CNTNAP2: variants seen among roughly 807,000 people sequenced by gnomAD.
CNTNAP2 encodes contactin associated protein 2, also known as contactin-associated protein-like 2.
Under a neutral mutation model 155.2 loss-of-function variants are expected in CNTNAP2, and 98 were observed. The ratio of observed to expected loss-of-function variants is 0.63; its 90% CI spans 0.54 to 0.75. The LOEUF (loss-of-function observed/expected upper bound fraction) is 0.75, where lower values mean the gene tolerates loss of function less well. Among genes scored for constraint, CNTNAP2 ranks in the 30% least tolerant of loss-of-function variants. The pLI is 0.00. For synonymous variants in CNTNAP2, 651 were observed against 631.2 expected (o/e 1.03, Z -0.47); for missense variants, 1,727 against 1,688.1 (o/e 1.02, Z -0.40).
intron 4 of CNTNAP2, among the ~76,000 whole-genome samples, chr7:147,060,634 C>T (rs535133964): frequency 2.6e-5 from 4 of 151,944 alleles, no homozygotes; most frequent in East Asian, 3.9e-4. Flanking sequence ...GAGGCCGAGG[C>T]GGGCGGATCA....
At chr7:147,244,879 C>G (rs1013802148) in intron 8 of CNTNAP2, among the ~76,000 whole-genome samples, 5 of 152,064 alleles carry the variant, frequency 3.3e-5, no homozygotes, top group African/African-American at 1.2e-4. Context: ...TTCTTAGATT[C>G]TTAGTACTAC....
chr7:146,953,537 G>T (rs1345856205), intron 3 of CNTNAP2, among the ~76,000 whole-genome samples: 1 of 151,840 alleles, frequency 6.6e-6, no homozygotes, highest in Non-Finnish European at 1.5e-5. Context: ...TTCTATATAG[G>T]TTTGTAACGA....
At chr7:147,018,464 G>T (rs1047471977) in intron 3 of CNTNAP2, among the ~76,000 whole-genome samples, 1 of 152,018 alleles carries the variant, frequency 6.6e-6, no homozygotes, top group Non-Finnish European at 1.5e-5. Context: ...AATTACTAGG[G>T]TCTTAACTGG....
At chr7:148,132,556 A>G (rs1045715637) in intron 16 of CNTNAP2, among the ~76,000 whole-genome samples, 1 of 152,190 alleles carries the variant, frequency 6.6e-6, no homozygotes, top group African/African-American at 2.4e-5. Flanking sequence ...GCTGTAGTTG[A>G]GTGTTGATTC....
chr7:148,097,340 T>TAAAAAAAAAAAAAAAAAAAAAAAAAAA (rs754030091), intron 15 of CNTNAP2, among the ~76,000 whole-genome samples: 1 of 78,492 alleles, frequency 1.3e-5, no homozygotes. Context: ...GTGTCATTTG[T>TAAAAAAAAAAAAAAAAAAAAAAAAAAA]AAAAAAAAAA....
At chr7:146,446,058 C>T (rs1386855517) in intron 1 of CNTNAP2, among the ~76,000 whole-genome samples, 3 of 151,994 alleles carry the variant, frequency 2.0e-5, no homozygotes, top group Non-Finnish European at 4.4e-5. Flanking sequence ...AGAAAAGAAC[C>T]GTAGATCATT....
rs1301661474 is a variant in CNTNAP2, at chr7:147,375,892, C to T, written c.1499-19717C>T. On this transcript the variant is annotated intron_variant, in intron 9 of 23. Transcript: ENST00000361727. The stretch of plus-strand genomic sequence containing the variant: ...GCAGAACTATAATCAACTAATCAAG[C>T]CCCTTTGAGCCAGCAGTTCTTCCAG... Among the ~76,000 whole-genome samples, 4 of 152,118 alleles carry T rather than the reference C, an allele frequency of 2.6e-5. No homozygotes were observed. The East Asian group carries it at 7.8e-4, about 29-fold the overall frequency.
At chr7:148,035,719 G>A (rs1397069214) in intron 15 of CNTNAP2, among the ~76,000 whole-genome samples, 1 of 152,080 alleles carries the variant, frequency 6.6e-6, no homozygotes, top group African/African-American at 2.4e-5. Flanking sequence ...GTGGGGGTAG[G>A]GCAAACCCCA....
chr7:147,744,261 A>G (rs1797001640), intron 13 of CNTNAP2, among the ~76,000 whole-genome samples: 1 of 152,214 alleles, frequency 6.6e-6, no homozygotes, highest in African/African-American at 2.4e-5. Flanking sequence ...AAGGTATATG[A>G]GCCATCTGCC....
chr7:147,752,676 C>T (rs534229320), intron 13 of CNTNAP2, among the ~76,000 whole-genome samples: 20 of 152,266 alleles, frequency 1.3e-4, no homozygotes, highest in African/African-American at 4.6e-4. Flanking sequence ...AAACTGGTCG[C>T]TGAGGTCAGT....
chr7:146,486,540 G>A (rs1350279574), intron 1 of CNTNAP2, among the ~76,000 whole-genome samples: 1 of 152,128 alleles, frequency 6.6e-6, no homozygotes, highest in African/African-American at 2.4e-5. Context: ...ATTGGTTCTG[G>A]CTGCTACAGC....
intron 15 of CNTNAP2, among the ~76,000 whole-genome samples, chr7:148,024,267 C>T (rs1802338441): frequency 6.6e-6 from 1 of 151,718 alleles, no homozygotes; most frequent in Non-Finnish European, 1.5e-5. Flanking sequence ...TAGAGCTCAG[C>T]TTCCTGGATA....
At chr7:146,463,122 A>G (rs920537161) in intron 1 of CNTNAP2, among the ~76,000 whole-genome samples, 15 of 152,192 alleles carry the variant, frequency 9.9e-5, no homozygotes, top group Non-Finnish European at 2.9e-5. Flanking sequence ...GGAGGAAAAT[A>G]AAACTGGAAA....
At chr7:147,058,027 A>G (rs1044115590) in intron 4 of CNTNAP2, among the ~76,000 whole-genome samples, 1 of 152,156 alleles carries the variant, frequency 6.6e-6, no homozygotes, top group Non-Finnish European at 1.5e-5. Flanking sequence ...TTTGTCTGTG[A>G]TTTGTGGAGA....
chr7:147,206,891 C>A (rs1168842666), intron 8 of CNTNAP2, among the ~76,000 whole-genome samples: 1 of 152,154 alleles, frequency 6.6e-6, no homozygotes, highest in Admixed American at 6.6e-5. Context: ...AGATACAATA[C>A]AGAGAATCAG....
At chr7:146,496,934 G>A (rs1021697228) in intron 1 of CNTNAP2, among the ~76,000 whole-genome samples, 32 of 152,272 alleles carry the variant, frequency 2.1e-4, no homozygotes, top group African/African-American at 7.7e-4. Flanking sequence ...AATGCCACTG[G>A]CCCTACTAAG....
intron 1 of CNTNAP2, among the ~76,000 whole-genome samples, chr7:146,244,170 G>C (rs893724763): frequency 2.0e-5 from 3 of 152,192 alleles, no homozygotes; most frequent in Admixed American, 6.5e-5. Flanking sequence ...CATCTGATTA[G>C]AGAGTGCCTA....
chr7:147,104,886 A>C, intron 4 of CNTNAP2, among the ~76,000 whole-genome samples: 1 of 36,362 alleles, frequency 2.8e-5, no homozygotes, highest in South Asian at 5.1e-4. Flanking sequence ...ATATATATAT[A>C]TATATATATA....
intron 3 of CNTNAP2, among the ~76,000 whole-genome samples, chr7:147,025,591 A>C (rs1398535203): frequency 6.6e-6 from 1 of 151,748 alleles, no homozygotes; most frequent in Non-Finnish European, 1.5e-5. Flanking sequence ...CCCACCTCCA[A>C]CGCTGGGAAT....
Sources: gnomAD v4.1 joint callset for allele counts (sites outside exome capture counted in the v4.1 genomes callset) on GRCh38, gnomAD v4.1.1 for gene constraint, MANE v1.5 for transcripts, NCBI Gene and HGNC (gene_info 2026-07-23, HGNC 2026-07-21) for gene names.